Variants in RIPOR3 observed in about 807,000 individuals in gnomAD.
RIPOR3 encodes the protein RIPOR family member 3, also known as family with sequence similarity 65 member C.
Under a neutral mutation model 114.3 loss-of-function variants are expected in RIPOR3, and 95 were observed. The ratio of observed to expected loss-of-function variants is 0.83; its 90% CI spans 0.70 to 0.99. RIPOR3 has a LOEUF of 0.99. RIPOR3 is among the 50% of genes least tolerant of loss of function. The pLI is 0.00. For synonymous variants in RIPOR3, 575 were observed against 543.8 expected, an observed-to-expected ratio of 1.06 and a Z score of -0.80; for missense variants, 1,252 against 1,266.9, an observed-to-expected ratio of 0.99 and a Z score of 0.18.
In RIPOR3 at chr20:50,630,615, G is replaced by A. The variant is rs967127335; in HGVS notation, c.122+123C>T. The A allele has an allele frequency of 2.2e-5, 16 of 726,122 alleles. No homozygotes were observed. The South Asian group carries it at 2.9e-4, about 13-fold the overall frequency. 45.0% of individuals were successfully genotyped at this position (726,122 alleles called of 1,614,324 possible). The stretch of plus-strand genomic sequence containing the variant: ...TCTCTCTCTCTGTCTCTCTCGGGCT[G>A]CAAGCCGGCCTGAGAGTGGGCCTTC... On this transcript the variant is annotated intron_variant, in intron 2 of 21. Transcript: ENST00000327979.
chr20:50,625,503 C>T (rs1334662401), intron 2 of RIPOR3, among the ~76,000 whole-genome samples: 1 of 152,224 alleles, frequency 6.6e-6, no homozygotes, highest in Non-Finnish European at 1.5e-5. Flanking sequence ...GTGTGCTTGA[C>T]AGCTTCACAG....
intron 14 of RIPOR3, among the ~76,000 whole-genome samples, chr20:50,596,477 G>A (rs888314154): frequency 2.0e-5 from 3 of 152,174 alleles, no homozygotes; most frequent in African/African-American, 7.2e-5. Flanking sequence ...AAGGCAGGGC[G>A]GGCAGTCGTC....
intron 1 of RIPOR3, among the ~76,000 whole-genome samples, chr20:50,663,704 C>A (rs1221662734): frequency 1.3e-5 from 2 of 152,058 alleles, no homozygotes; most frequent in African/African-American, 4.8e-5. Context: ...ACTGAGCTGG[C>A]AGAATAATGG....
intron 1 of RIPOR3, among the ~76,000 whole-genome samples, chr20:50,669,795 C>G (rs141762425): frequency 2.0e-5 from 3 of 151,894 alleles, no homozygotes; most frequent in Non-Finnish European, 2.9e-5. Flanking sequence ...GCAGAGGGAC[C>G]TGCAGAAGGG....
chr20:50,620,960 C>A, intron 2 of RIPOR3: 1 of 529,672 alleles, frequency 1.9e-6, no homozygotes, highest in East Asian at 4.3e-5. Context: ...CAAGGACAAA[C>A]AGGCCCTCAA....
At chr20:50,686,058 T>G (rs917946642) in intron 1 of RIPOR3, among the ~76,000 whole-genome samples, 3 of 152,008 alleles carry the variant, frequency 2.0e-5, no homozygotes, top group African/African-American at 2.4e-5. Context: ...CGCCTGGCTC[T>G]TTCTTTGTTT....
intron 3 of RIPOR3, among the ~76,000 whole-genome samples, chr20:50,616,736 G>A (rs554660244): frequency 1.3e-5 from 2 of 152,150 alleles, no homozygotes; most frequent in East Asian, 1.9e-4. Flanking sequence ...CTGAACCCAC[G>A]TCTGAAACCA....
intron 1 of RIPOR3, among the ~76,000 whole-genome samples, chr20:50,683,454 C>CTT (rs11392130): frequency 9.5e-4 from 138 of 145,552 alleles, no homozygotes; most frequent in Non-Finnish European, 1.0e-3. Context: ...CTTACTTTTT[C>CTT]TTTTTTTTTT....
chr20:50,600,602 TAAAC>T (rs2083459354), intron 13 of RIPOR3, among the ~76,000 whole-genome samples: 3 of 151,598 alleles, frequency 2.0e-5, no homozygotes, highest in South Asian at 4.2e-4. Flanking sequence ...CTATAAAAAA[TAAAC>T]AAAATTAGCC....
At position 50,602,188 on chromosome 20, in the gene RIPOR3, C is replaced by G. The variant is rs370389293; in HGVS notation, c.1543G>C (p.Val515Leu). 6.2e-7 allele frequency: 1 copy of G among 1,613,372 alleles called. No homozygotes were observed. Among genetic ancestry groups the G allele is most frequent in the Non-Finnish European group, 8.5e-7 (1 of 1,179,832 alleles). ...TCCTGCAGAGGCCCCTCGAGGGCCA[C>G]GCCAGGCCCGTCCTCTCTGTCCCCG... is the stretch of plus-strand genomic sequence containing the variant. The part of the protein sequence containing the change: ...ATGDREDGPG[V>L]ALEGPLQEVL... The change falls in exon 13 of 22, where the codon GTG (valine) becomes CTG (leucine). Residue 515 changes from valine to leucine, a missense_variant. Physicochemically the swap from Val to Leu is conservative, Grantham distance 32 (BLOSUM62 1). Transcript: ENST00000327979. This position sits in a 1 kb window ranked among gnomAD's most constrained non-coding sequence, Gnocchi z 4.3.
rs755986968 is a variant in RIPOR3 at position 50,592,472 on chromosome 20, G to A, written c.2449C>T (p.Gln817Ter). 1.5e-5 allele frequency: 24 copies of A among 1,611,388 alleles called. No homozygotes were observed. The highest frequency in any genetic ancestry group is 2.5e-6 in the Non-Finnish European group (3 of 1,179,126). Residue 817 changes from glutamine (Q) to a stop codon, truncating the protein, a stop_gained, in exon 19 of 22, where the codon CAG becomes TAG. Transcript: ENST00000327979. LOFTEE classifies it high-confidence loss of function. ...AAGGTCTGGGGCAGAGGCTGGAGCT[G>A]GCCCAGCCGCTTCCCCTGCAGCTTC... ...VRKLQGKRLG[Q>*]LQPLPQTLRA...
Position 50,597,560 on chromosome 20 carries a change from C to G in RIPOR3, c.1790+20G>C. Reference sequence around the variant, plus strand: ...GGGAGTGGTGGCCACTGGGTCACTGCTGGAAGGAGGTGCACTCACCGGAGA... The same window carrying G: ...GGGAGTGGTGGCCACTGGGTCACTGGTGGAAGGAGGTGCACTCACCGGAGA... On this transcript the variant is annotated intron_variant, in intron 14 of 21. Transcript: ENST00000327979. The G allele has an allele frequency of 6.3e-7, 1 of 1,593,732 alleles. No homozygotes were observed. Among genetic ancestry groups the G allele is most frequent in the Non-Finnish European group, 8.5e-7 (1 of 1,170,370 alleles).
intron 1 of RIPOR3, among the ~76,000 whole-genome samples, chr20:50,687,485 A>G (rs943355335): frequency 2.6e-5 from 4 of 152,276 alleles, no homozygotes; most frequent in Admixed American, 2.6e-4. Context: ...AACCAGTGGT[A>G]TGCTGGCAAA....
At chr20:50,598,170 T>G (rs1236312523) in intron 13 of RIPOR3, among the ~76,000 whole-genome samples, 2 of 152,286 alleles carry the variant, frequency 1.3e-5, no homozygotes, top group Middle Eastern at 3.4e-3. Context: ...TTCAAAGTAT[T>G]TTAAATACAT....
intron 1 of RIPOR3, among the ~76,000 whole-genome samples, chr20:50,664,265 T>C (rs906696848): frequency 6.6e-6 from 1 of 152,142 alleles, no homozygotes; most frequent in African/African-American, 2.4e-5. Flanking sequence ...TGCAATTACT[T>C]TTGCACCAAC....
rs771175438 is a variant in RIPOR3, at chr20:50,602,516, A to G, written c.1215T>C (p.Pro405=). ...CCTCAGAGCTGAAGGAGTCCATCTC[A>G]GGCAGCTCCTGACTCTGGCTTCTTA... ...PSLRSQSQEL[P]EMDSFSSEDP... The change falls in exon 13 of 22, where the codon CCT becomes CCC. Residue 405 remains proline, a synonymous_variant. Transcript: ENST00000327979. This position sits in a 1 kb window ranked among gnomAD's most constrained non-coding sequence, Gnocchi z 4.3. 28 of 1,563,848 alleles carry G rather than the reference A, an allele frequency of 1.8e-5. No individual in the cohort carries two copies. Among genetic ancestry groups the G allele is most frequent in the Non-Finnish European group, 2.4e-5 (28 of 1,153,274 alleles).
chr20:50,633,629 C>T (rs1275925939), intron 1 of RIPOR3, among the ~76,000 whole-genome samples: 3 of 152,226 alleles, frequency 2.0e-5, no homozygotes, highest in Non-Finnish European at 4.4e-5. Context: ...TCCCCGGCCC[C>T]TCCCTCTGCA....
chr20:50,611,255 C>A, intron 4 of RIPOR3, 51 bp from the exon 5 acceptor site: 1 of 1,612,936 alleles, frequency 6.2e-7, no homozygotes, highest in Non-Finnish European at 8.5e-7. Flanking sequence ...CCCACATGTT[C>A]CTCCAAGGCC....
In RIPOR3 at chr20:50,608,502, A is replaced by G; in HGVS notation, c.843T>C (p.Ala281=). 6.2e-7 allele frequency: 1 copy of G among 1,613,866 alleles called. No individual in the cohort carries two copies. The highest frequency in any genetic ancestry group is 8.5e-7 in the Non-Finnish European group (1 of 1,179,908). ...CGATGTCACACGTCACTGCACCCAC[A>G]GCCAGCGAGCCCAGGCCCCGCAACT... is the stretch of plus-strand genomic sequence containing the variant. The part of the protein sequence containing the change: ...VTELRGLGSL[A]VGAVTCDIAD... Residue 281 remains alanine (A), a synonymous_variant, in exon 11 of 22, where the codon GCT becomes GCC. Transcript: ENST00000327979.
Sources: allele counts gnomAD v4.1 joint callset (sites outside exome capture counted in the v4.1 genomes callset), GRCh38; gene constraint gnomAD v4.1.1; non-coding constraint Gnocchi (gnomAD v3.1); transcripts MANE v1.5; gene names NCBI Gene and HGNC (gene_info 2026-07-23, HGNC 2026-07-21).